The following PTPRE variants were observed in gnomAD, a reference collection of about 807,000 sequenced individuals.
PTPRE encodes receptor-type tyrosine-protein phosphatase epsilon.
Under a neutral mutation model 102.0 loss-of-function variants are expected in PTPRE, and 51 were observed. The observed-to-expected ratio is 0.50, with a 90% CI of 0.40 to 0.63. The LOEUF is 0.63. PTPRE is among the 30% of genes least tolerant of loss of function. The pLI is 0.00. For missense variants in PTPRE, 752 were observed against 915.1 expected, an observed-to-expected ratio of 0.82 and a Z score of 2.30; for synonymous variants, 345 against 348.2, an observed-to-expected ratio of 0.99 and a Z score of 0.10.
At chr10:127,986,975 G>A (rs1000490455) in intron 2 of PTPRE, among the ~76,000 whole-genome samples, 12 of 152,150 alleles carry the variant, frequency 7.9e-5, no homozygotes, top group African/African-American at 2.9e-4. Flanking sequence ...GGATTCCACG[G>A]GTTTCTATCC....
chr10:128,080,331 C>G (rs528956770), intron 20 of PTPRE, among the ~76,000 whole-genome samples: 38 of 152,320 alleles, frequency 2.5e-4, no homozygotes, highest in African/African-American at 8.9e-4. Flanking sequence ...ACCAAAGCTT[C>G]CCACTTCGCA....
intron 2 of PTPRE, among the ~76,000 whole-genome samples, chr10:128,002,587 A>G (rs1407921858): frequency 1.3e-5 from 2 of 150,632 alleles, no homozygotes; most frequent in African/African-American, 4.9e-5. Flanking sequence ...TGCGTGGCAC[A>G]TGGCGCAGGC....
chr10:128,038,328 A>G (rs1017692124), intron 2 of PTPRE, among the ~76,000 whole-genome samples: 2 of 152,238 alleles, frequency 1.3e-5, no homozygotes, highest in Non-Finnish European at 2.9e-5. Context: ...AAGGATTATA[A>G]ATCATGCTGC....
chr10:128,062,055 T>A (rs1849647885), intron 9 of PTPRE, among the ~76,000 whole-genome samples: 3 of 152,228 alleles, frequency 2.0e-5, no homozygotes, highest in Admixed American at 2.0e-4. Flanking sequence ...GTGAATAGCT[T>A]TTCAGATCAA....
rs576079590 is a variant in PTPRE at position 128,029,393 on chromosome 10, G to A, written c.-7-11482G>A. Among the ~76,000 whole-genome samples, 10 of 152,306 alleles carry A rather than the reference G, an allele frequency of 6.6e-5. No individual in the cohort carries two copies. In the South Asian group the frequency reaches 1.2e-3, roughly 19 times the overall value. On this transcript the variant is annotated intron_variant, in intron 2 of 20. Transcript: ENST00000254667. ...CTGTGAGCCAGGCCTGTGGGTGTCA[G>A]CACTAAAGACCAGAAGAGTCGCCAG...
intron 2 of PTPRE, among the ~76,000 whole-genome samples, chr10:128,006,993 T>C (rs1459249536): frequency 6.6e-6 from 1 of 152,226 alleles, no homozygotes; most frequent in Admixed American, 6.5e-5. Context: ...ACCTGAACAT[T>C]GCTAAGCACA....
intron 20 of PTPRE, among the ~76,000 whole-genome samples, chr10:128,081,733 A>T (rs1851723218): frequency 6.6e-6 from 1 of 152,174 alleles, no homozygotes; most frequent in South Asian, 2.1e-4. Flanking sequence ...AGAAGTGAGG[A>T]CCCTACAATG....
rs772803959 is a variant in PTPRE at position 127,944,384 on chromosome 10, GTGGATGGATGGA to G, written c.-31+37094_-31+37105del. ...GGACGATGGACAGATGGATGGATAT[GTGGATGGATGGA>G]TGGATGGATGGATGGATGCATGCAT... On this transcript the variant is annotated intron_variant, in intron 1 of 20. Coordinates refer to ENST00000254667, the MANE Select transcript of PTPRE (RefSeq NM_006504.6). This position sits in a 1 kb window ranked among gnomAD's most constrained non-coding sequence, Gnocchi z 4.2. Among the ~76,000 whole-genome samples, 17 of 151,504 alleles carry G rather than the reference GTGGATGGATGGA, an allele frequency of 1.1e-4. No individual in the cohort carries two copies. The highest frequency in any genetic ancestry group is 8.8e-5 in the Non-Finnish European group (6 of 67,918).
At chr10:128,030,962 A>G (rs922241766) in intron 2 of PTPRE, among the ~76,000 whole-genome samples, 7 of 152,192 alleles carry the variant, frequency 4.6e-5, no homozygotes, top group Non-Finnish European at 8.8e-5. Flanking sequence ...TGGCAGTTGC[A>G]TTCTAGTTAT....
At position 127,982,403 on chromosome 10, in the gene PTPRE, G is replaced by C. The variant is rs970181118; in HGVS notation, c.-8+107G>C. On this transcript the variant is annotated intron_variant, in intron 2 of 20. Coordinates refer to ENST00000254667, the MANE Select transcript of PTPRE (RefSeq NM_006504.6). The stretch of plus-strand genomic sequence containing the variant: ...GAGCATTGTTTTCTTGAGAAAGAAA[G>C]CCATATGGTCAGTGTGTTATATTTG... 3.9e-6 allele frequency: 3 copies of C among 775,780 alleles called. No individual in the cohort carries two copies. In the African/African-American group the frequency reaches 5.6e-5, roughly 14 times the overall value. The allele number at this position is 775,780 out of a possible 1,614,324, so 48.1% of individuals were successfully genotyped here.
Position 128,063,083 on chromosome 10 carries a change from G to A in PTPRE, c.626G>A (p.Gly209Asp). 6.2e-7 allele frequency: 1 copy of A among 1,614,170 alleles called. No individual in the cohort carries two copies. Among genetic ancestry groups the A allele is most frequent in the Non-Finnish European group, 8.5e-7 (1 of 1,180,024 alleles). Reference protein sequence around the residue: ...KEKNKFIAAQGPKQETVNDFW... With the variant: ...KEKNKFIAAQDPKQETVNDFW... ...CTTCGAAATTGTCCTCTACACACAGGTCCCAAACAGGAAACGGTTAACGAC... is the reference window on the plus strand; with the variant it reads ...CTTCGAAATTGTCCTCTACACACAGATCCCAAACAGGAAACGGTTAACGAC... Residue 209 changes from glycine (G) to aspartate (D), a missense_variant and splice_region_variant, in exon 10 of 21, where the codon GGT (glycine) becomes GAT (aspartate). Physicochemically the swap from Gly to Asp is moderately conservative, Grantham distance 94. Transcript: ENST00000254667.
intron 8 of PTPRE, among the ~76,000 whole-genome samples, chr10:128,061,356 TATCA>T (rs1564944925): frequency 6.6e-6 from 1 of 152,232 alleles, no homozygotes; most frequent in Non-Finnish European, 1.5e-5. Context: ...GATCATTTAA[TATCA>T]ATTATAAAAT....
chr10:127,943,823 C>T (rs1848420078), intron 1 of PTPRE, among the ~76,000 whole-genome samples: 1 of 152,184 alleles, frequency 6.6e-6, no homozygotes, highest in African/African-American at 2.4e-5. Context: ...CTAAGGAGGC[C>T]TGTTCCTCAC....
intron 1 of PTPRE, among the ~76,000 whole-genome samples, chr10:127,917,495 G>A (rs35890118): frequency 0.33 from 49,314 of 151,612 alleles, 8,329 homozygotes; most frequent in African/African-American, 0.41. Flanking sequence ...CAGTCTGGGC[G>A]ACATAGTGAT....
intron 1 of PTPRE, among the ~76,000 whole-genome samples, chr10:127,969,619 G>A (rs890921406): frequency 1.4e-5 from 2 of 147,436 alleles, no homozygotes; most frequent in East Asian, 4.0e-4. Flanking sequence ...AATGAGCTGA[G>A]ATTGGGCCAC....
rs1844744334 is a variant in PTPRE, at chr10:128,008,927, A to G, written c.-8+26631A>G. On this transcript the variant is annotated intron_variant, in intron 2 of 20. Transcript: ENST00000254667. The surrounding 1 kb of genome is among the most constrained non-coding windows in gnomAD (Gnocchi z 4.0). ...TCCCAGAAGTGACAGAGAGACAGAG[A>G]GAGGAGTCTCTGGTCTGGCTGGGGC... Among the ~76,000 whole-genome samples the G allele has an allele frequency of 6.6e-6, 1 of 152,194 alleles. No homozygotes were observed. The highest frequency in any genetic ancestry group is 1.5e-5 in the Non-Finnish European group (1 of 68,026).
chr10:127,985,002 T>C (rs1851961396), intron 2 of PTPRE, among the ~76,000 whole-genome samples: 1 of 152,224 alleles, frequency 6.6e-6, no homozygotes, highest in East Asian at 1.9e-4. Context: ...AGGATATCTA[T>C]TAATGGAAGG....
At chr10:127,926,431 A>G (rs117239073) in intron 1 of PTPRE, among the ~76,000 whole-genome samples, 1,809 of 152,336 alleles carry the variant, frequency 0.012, 17 homozygotes, top group East Asian at 0.044. Flanking sequence ...TTCTGCGGCA[A>G]AGCACATTTG....
At chr10:127,951,865 C>T (rs765143652) in intron 1 of PTPRE, among the ~76,000 whole-genome samples, 16 of 152,296 alleles carry the variant, frequency 1.1e-4, no homozygotes, top group Non-Finnish European at 7.3e-5. Context: ...ACAGATAGCT[C>T]TTGGAGAATG....
Sources: allele counts gnomAD v4.1 joint callset (sites outside exome capture counted in the v4.1 genomes callset), GRCh38; gene constraint gnomAD v4.1.1; non-coding constraint Gnocchi (gnomAD v3.1); transcripts MANE v1.5; gene names NCBI Gene and HGNC (gene_info 2026-07-23, HGNC 2026-07-21).